Variants in TARBP2 observed in about 807,000 individuals in gnomAD.
TARBP2 encodes the protein TARBP2 subunit of RISC loading complex, also known as RISC-loading complex subunit TARBP2.
In TARBP2, 23 loss-of-function variants were observed where a neutral mutation model predicts 40.4. That is an observed-to-expected ratio of 0.57 (90% CI 0.41 to 0.81). The LOEUF (loss-of-function observed/expected upper bound fraction) is 0.81, where lower values mean the gene tolerates loss of function less well. Ranked by LOEUF, TARBP2 falls within the 30% of genes least tolerant of loss-of-function variation. The pLI, the probability that TARBP2 is intolerant of heterozygous loss-of-function variation, is 0.00. For missense variants in TARBP2, 358 were observed against 473.7 expected, an observed-to-expected ratio of 0.76 and a Z score of 2.27; for synonymous variants, 183 against 190.5, an observed-to-expected ratio of 0.96 and a Z score of 0.32.
At chr12:53,502,383 A>G in intron 2 of TARBP2, 199 bp downstream of exon 2, 2 of 648,656 alleles carry the variant, frequency 3.1e-6, no homozygotes, top group South Asian at 3.9e-5. Context: ...TAGAGGAGCG[A>G]GCAGGACTCC....
In TARBP2 at chr12:53,504,397, G is replaced by A. The variant is rs1471036080; in HGVS notation, c.423G>A (p.Arg141=). 1 of 1,553,792 alleles carries A rather than the reference G, an allele frequency of 6.4e-7. No individual in the cohort carries two copies. Among genetic ancestry groups the A allele is most frequent in the Admixed American group, 2.1e-5 (1 of 47,734 alleles). The part of the protein sequence containing the change: ...ATPVPSVVLT[R]SPPMELQPPV... The stretch of plus-strand genomic sequence containing the variant: ...TTTGGCCCTGTGCCTTTTCCTTCAG[G>A]AGCCCCCCCATGGAACTGCAGCCCC... The change falls in exon 5 of 9, where the codon AGG becomes AGA. Residue 141 remains arginine, a splice_region_variant and synonymous_variant. Transcript: ENST00000266987.
Position 53,503,188 on chromosome 12 carries a change from C to A in TARBP2, c.326+59C>A, listed in dbSNP as rs532438481. On this transcript the variant is annotated intron_variant, in intron 3 of 8. Coordinates refer to ENST00000266987, the MANE Select transcript of TARBP2 (RefSeq NM_134323.2). ...TCAAGGAACCCAGGCCCTGCACCAC[C>A]CACTCTGCCCCGAGGCCTGGCCAGG... 34 of 1,485,564 alleles carry A rather than the reference C, an allele frequency of 2.3e-5. No individual in the cohort carries two copies. In the East Asian group the frequency reaches 6.7e-4, roughly 29 times the overall value. The allele number at this position is 1,485,564 out of a possible 1,614,324, so 92.0% of individuals were successfully genotyped here.
upstream of TARBP2, chr12:53,501,081 G>A (rs894633144): frequency 1.3e-5 from 5 of 387,426 alleles, no homozygotes; most frequent in African/African-American, 4.2e-5. Flanking sequence ...CCGGGAGAGA[G>A]GGGGCGCGGA....
rs775926522 is a variant in TARBP2, at chr12:53,503,803, A to G, written c.417A>G (p.Leu139=). ...CTACCCCAGTTCCATCTGTAGTCCT[A>G]ACCAGGTATCTGTGTCCCCTGACTG... ...AAATPVPSVV[L]TRSPPMELQP... is the part of the protein sequence containing the mutation. Residue 139 remains leucine, a synonymous_variant, in exon 4 of 9, where the codon CTA becomes CTG. Coordinates refer to ENST00000266987, the MANE Select transcript of TARBP2 (RefSeq NM_134323.2). The G allele has an allele frequency of 6.2e-7, 1 of 1,613,806 alleles. No homozygotes were observed. Among genetic ancestry groups the G allele is most frequent in the African/African-American group, 1.3e-5 (1 of 74,926 alleles).
chr12:53,501,893 G>C, intron 1 of TARBP2, 122 bp from the exon 2 acceptor site: 1 of 1,451,276 alleles, frequency 6.9e-7, no homozygotes, highest in South Asian at 1.4e-5. Flanking sequence ...ATGGATGCTA[G>C]ACTGTCTGGG....
chr12:53,501,084 G>A, upstream of TARBP2: 2 of 392,636 alleles, frequency 5.1e-6, no homozygotes, highest in Admixed American at 4.1e-5. Context: ...GGAGAGAGGG[G>A]GCGCGGAAGG....
rs113526184 is a variant in TARBP2 at position 53,505,289 on chromosome 12, C to T, written c.741+27C>T. 4.2e-5 allele frequency: 66 copies of T among 1,563,390 alleles called. No homozygotes were observed. The highest frequency in any genetic ancestry group is 5.7e-5 in the Non-Finnish European group (65 of 1,147,200). The stretch of plus-strand genomic sequence containing the variant: ...TGAGTGGCTCATGTGGGCCGGGCAC[C>T]GTGGCCCATCCTCCATGCCAGGGCA... On this transcript the variant is annotated intron_variant, in intron 7 of 8. Transcript: ENST00000266987. The surrounding 1 kb of genome is among the most constrained non-coding windows in gnomAD (Gnocchi z 4.5).
Position 53,505,583 on chromosome 12 carries a change from G to T in TARBP2, c.742-66G>T. 6.7e-7 allele frequency: 1 copy of T among 1,482,900 alleles called. No individual in the cohort carries two copies. The highest frequency in any genetic ancestry group is 1.4e-5 in the African/African-American group (1 of 72,112). 91.9% of individuals were successfully genotyped at this position (1,482,900 alleles called of 1,614,324 possible). ...TTGTGCTTTGTTCTCCTTTGACGTT[G>T]AATGTCTCAATGCCTGGGTCCCACA... On this transcript the variant is annotated intron_variant, in intron 7 of 8. Coordinates refer to ENST00000266987, the MANE Select transcript of TARBP2 (RefSeq NM_134323.2). The surrounding 1 kb of genome is among the most constrained non-coding windows in gnomAD (Gnocchi z 4.5).
chr12:53,505,438 C>T lies in TARBP2; in HGVS notation c.741+176C>T, dbSNP rs1031707685. On this transcript the variant is annotated intron_variant, in intron 7 of 8. Coordinates refer to ENST00000266987, the MANE Select transcript of TARBP2 (RefSeq NM_134323.2). The surrounding 1 kb of genome is among the most constrained non-coding windows in gnomAD (Gnocchi z 4.5). The stretch of plus-strand genomic sequence containing the variant: ...GCCGACTCAGCCTTGACTGTAGGCC[C>T]GCTCTGTAGCTCTGTTACTGGGGTG... 2.0e-5 allele frequency among the ~76,000 whole-genome samples: 3 copies of T among 152,170 alleles called. No homozygotes were observed. The highest frequency in any genetic ancestry group is 6.5e-5 in the Admixed American group (1 of 15,282).
At chr12:53,503,153 C>G in intron 3 of TARBP2, 24 bp downstream of exon 3, 1 of 1,534,326 alleles carries the variant, frequency 6.5e-7, no homozygotes, top group Non-Finnish European at 8.8e-7. Context: ...CGAGGCATCC[C>G]AGAAGCCCTT....
upstream of TARBP2, chr12:53,501,109 G>A (rs2137253097): frequency 1.0e-5 from 5 of 495,042 alleles, no homozygotes; most frequent in East Asian, 1.9e-4. Flanking sequence ...AGGCGGGACG[G>A]TATTACAAAC....
chr12:53,503,573 G>A, intron 3 of TARBP2, 140 bp from the exon 4 acceptor site: 2 of 658,108 alleles, frequency 3.0e-6, no homozygotes, highest in Admixed American at 2.6e-5. Context: ...GGAGGAAGCT[G>A]TTGGTTGAGC....
chr12:53,505,946 G>C lies in TARBP2; in HGVS notation c.944-45G>C. ...TAACGTGAACGCACCCCTCCCCAGG[G>C]CTACCTCCCCCAACATTGCCTCCCT... On this transcript the variant is annotated intron_variant, in intron 8 of 8. Transcript: ENST00000266987. This position sits in a 1 kb window ranked among gnomAD's most constrained non-coding sequence, Gnocchi z 4.5. The C allele has an allele frequency of 6.2e-7, 1 of 1,605,866 alleles. No homozygotes were observed. Among genetic ancestry groups the C allele is most frequent in the Non-Finnish European group, 8.5e-7 (1 of 1,173,636 alleles).
In TARBP2 at chr12:53,501,306, C is replaced by T. The variant is rs995286067; in HGVS notation, c.-103C>T. 5 of 1,373,692 alleles carry T rather than the reference C, an allele frequency of 3.6e-6. No homozygotes were observed. Among genetic ancestry groups the T allele is most frequent in the African/African-American group, 1.4e-5 (1 of 69,240 alleles). The allele number at this position is 1,373,692 out of a possible 1,614,324, so 85.1% of individuals were successfully genotyped here. On this transcript the variant is annotated 5_prime_UTR_variant, in exon 1 of 9. Transcript: ENST00000266987. Reference sequence around the variant, plus strand: ...CCAGCGTGCCCCGCGGCGGGCCCTACCGGCCGCGACTCCGGGCTTGGCCCC... The same window carrying T: ...CCAGCGTGCCCCGCGGCGGGCCCTATCGGCCGCGACTCCGGGCTTGGCCCC...
In TARBP2 at chr12:53,505,972, CCTCT is replaced by C. The variant is rs765225281; in HGVS notation, c.944-14_944-11del. 6.2e-7 allele frequency: 1 copy of C among 1,610,882 alleles called. No homozygotes were observed. The highest frequency in any genetic ancestry group is 1.3e-5 in the African/African-American group (1 of 74,876). On this transcript the variant is annotated splice_polypyrimidine_tract_variant and intron_variant, in intron 8 of 8. Transcript: ENST00000266987. The surrounding 1 kb of genome is among the most constrained non-coding windows in gnomAD (Gnocchi z 4.5). ...CTACCTCCCCCAACATTGCCTCCCT[CCTCT>C]CTCTTGCTCTCCAGAGGAGCTGAGC...
rs978954422 is a variant in TARBP2 at position 53,501,685 on chromosome 12, A to G, written c.53+224A>G. 18 of 1,435,966 alleles carry G rather than the reference A, an allele frequency of 1.3e-5. No homozygotes were observed. The South Asian group carries it at 1.6e-4, about 13-fold the overall frequency. 89.0% of individuals were successfully genotyped at this position (1,435,966 alleles called of 1,614,324 possible). A position where few individuals can be genotyped will look rare whatever the true frequency, so the allele number is the denominator to read the frequency against. On this transcript the variant is annotated intron_variant, in intron 1 of 8. Transcript: ENST00000266987. ...AGACTGCACTGGAACACTGGGCTTT[A>G]TGCCCCCACATTCAGTGCATTTGGT...
rs766141345 is a variant in TARBP2, at chr12:53,504,439, G to T, written c.465G>T (p.Gln155His). The T allele has an allele frequency of 3.7e-6, 6 of 1,613,012 alleles. No individual in the cohort carries two copies. In the Admixed American group the frequency reaches 1.0e-4, roughly 27 times the overall value. Residue 155 changes from glutamine (Q) to histidine (H), a missense_variant, in exon 5 of 9, where the codon CAG becomes CAT. Gln to His is a conservative substitution (Grantham distance 24). Transcript: ENST00000266987. Reference sequence around the variant, plus strand: ...TGCAGCCCCCTGTCTCCCCTCAGCAGTCTGAGTGCAACCCCGTTGGTGCTC... The same window carrying T: ...TGCAGCCCCCTGTCTCCCCTCAGCATTCTGAGTGCAACCCCGTTGGTGCTC... ...MELQPPVSPQ[Q>H]SECNPVGALQ...
At position 53,501,544 on chromosome 12, in the gene TARBP2, C is replaced by T. The variant is rs1444709833; in HGVS notation, c.53+83C>T. ...GTAGCGGCGCGGCCCCAGCATGCAC[C>T]TGGCCTGAGGGTTGTTCCCGGCAAG... On this transcript the variant is annotated intron_variant, in intron 1 of 8. Transcript: ENST00000266987. 4.5e-6 allele frequency: 7 copies of T among 1,540,884 alleles called. No individual in the cohort carries two copies. The African/African-American group carries it at 8.2e-5, about 18-fold the overall frequency.
chr12:53,504,029 A>G (rs1943845269), intron 4 of TARBP2: 1 of 597,106 alleles, frequency 1.7e-6, no homozygotes, highest in African/African-American at 1.9e-5. Flanking sequence ...ATGTCCGACC[A>G]TGTTTAAGGG....
Sources: gnomAD v4.1 joint callset for allele counts (sites outside exome capture counted in the v4.1 genomes callset) on GRCh38, gnomAD v4.1.1 for gene constraint, Gnocchi (gnomAD v3.1) non-coding constraint, MANE v1.5 for transcripts, NCBI Gene and HGNC (gene_info 2026-07-23, HGNC 2026-07-21) for gene names.